Variants in PTPRD observed in about 807,000 individuals in gnomAD.
PTPRD encodes receptor-type tyrosine-protein phosphatase delta.
In PTPRD, 34 loss-of-function variants were observed where a neutral mutation model predicts 214.5. That is an observed-to-expected ratio of 0.16 (90% CI 0.12 to 0.21). PTPRD has a LOEUF of 0.21. PTPRD is among the 10% of genes least tolerant of loss of function. The pLI is 1.00. For missense variants in PTPRD, 2,545 were observed against 2,398.7 expected (o/e 1.06, Z -1.27); for synonymous variants, 1,128 against 845.7 (o/e 1.33, Z -5.79).
Position 10,427,891 on chromosome 9 carries a change from G to A in PTPRD, c.-599-86874C>T, listed in dbSNP as rs965455091. ...TGATATATTTTTTAATAAAAATGGAGTAGAGAACACATTTTAACTTAAGCA... is the reference window on the plus strand; with the variant it reads ...TGATATATTTTTTAATAAAAATGGAATAGAGAACACATTTTAACTTAAGCA... On this transcript the variant is annotated intron_variant, in intron 2 of 45. Coordinates refer to ENST00000381196, the MANE Select transcript of PTPRD (RefSeq NM_002839.4). 3.3e-5 allele frequency among the ~76,000 whole-genome samples: 5 copies of A among 152,174 alleles called. No homozygotes were observed. The East Asian group carries it at 9.7e-4, about 30-fold the overall frequency.
At chr9:9,082,272 C>T (rs533219684) in intron 10 of PTPRD, among the ~76,000 whole-genome samples, 1 of 152,250 alleles carries the variant, frequency 6.6e-6, no homozygotes, top group African/African-American at 2.4e-5. Flanking sequence ...ACCAAGTTAG[C>T]TTCATCCCTG....
intron 9 of PTPRD, among the ~76,000 whole-genome samples, chr9:9,332,391 T>C (rs1025880210): frequency 1.2e-4 from 18 of 152,006 alleles, no homozygotes; most frequent in Non-Finnish European, 5.9e-5. Context: ...TCATAGTATA[T>C]TCCATTTTGT....
At chr9:8,560,913 G>C (rs2085988164) in intron 14 of PTPRD, among the ~76,000 whole-genome samples, 1 of 138,466 alleles carries the variant, frequency 7.2e-6, no homozygotes, top group Admixed American at 6.8e-5. Flanking sequence ...TAAAGATGCA[G>C]AAAGGCATTC....
intron 8 of PTPRD, among the ~76,000 whole-genome samples, chr9:9,455,556 G>T (rs536654538): frequency 6.6e-6 from 1 of 151,436 alleles, no homozygotes; most frequent in Non-Finnish European, 1.5e-5. Flanking sequence ...GCCCCCAAAA[G>T]GCCTTTCAAG....
intron 8 of PTPRD, among the ~76,000 whole-genome samples, chr9:9,573,006 C>A (rs907087185): frequency 2.0e-5 from 3 of 151,540 alleles, no homozygotes; most frequent in Admixed American, 6.6e-5. Flanking sequence ...ATCCTATGTA[C>A]ACAACAAAAT....
chr9:10,378,675 G>A (rs186097391), intron 2 of PTPRD, among the ~76,000 whole-genome samples: 7 of 152,042 alleles, frequency 4.6e-5, no homozygotes, highest in Admixed American at 4.6e-4. Flanking sequence ...ATTGGTCTAT[G>A]TGTCTGTTTT....
intron 11 of PTPRD, among the ~76,000 whole-genome samples, chr9:8,796,929 A>C (rs2096444097): frequency 6.6e-6 from 1 of 152,062 alleles, no homozygotes; most frequent in African/African-American, 2.4e-5. Context: ...TCCATGTTAA[A>C]ATTTTTGTTT....
chr9:9,096,589 A>C (rs2099783883), intron 10 of PTPRD, among the ~76,000 whole-genome samples: 1 of 152,106 alleles, frequency 6.6e-6, no homozygotes, highest in Admixed American at 6.6e-5. Flanking sequence ...CTTTTTTTTA[A>C]AAATATTTTG....
At chr9:10,503,755 G>A (rs2044708413) in intron 2 of PTPRD, among the ~76,000 whole-genome samples, 1 of 151,932 alleles carries the variant, frequency 6.6e-6, no homozygotes. Context: ...TACGTGCTAG[G>A]AAGGAAAATA....
At chr9:10,299,115 T>C (rs1023819947) in intron 3 of PTPRD, among the ~76,000 whole-genome samples, 1 of 152,202 alleles carries the variant, frequency 6.6e-6, no homozygotes, top group Non-Finnish European at 1.5e-5. Context: ...GGGATTACTA[T>C]TTTACATTTG....
rs1234214176 is a variant in PTPRD, at chr9:10,460,377, A to T, written c.-599-119360T>A. 2.0e-5 allele frequency among the ~76,000 whole-genome samples: 3 copies of T among 152,186 alleles called. No individual in the cohort carries two copies. In the East Asian group the frequency reaches 5.8e-4, roughly 29 times the overall value. On this transcript the variant is annotated intron_variant, in intron 2 of 45. Transcript: ENST00000381196. ...CATTATTCACAAAAATAGATAAAAA[A>T]ACCCTAAAATTTGTATGAAACCACA...
chr9:8,798,634 C>T (rs1030822987), intron 11 of PTPRD, among the ~76,000 whole-genome samples: 1 of 152,152 alleles, frequency 6.6e-6, no homozygotes, highest in Non-Finnish European at 1.5e-5. Context: ...ATTTAACAAA[C>T]GTGTATTAAG....
At position 9,320,037 on chromosome 9, in the gene PTPRD, T is replaced by C. The variant is rs1965641555; in HGVS notation, c.-203+77412A>G. Among the ~76,000 whole-genome samples the C allele has an allele frequency of 2.6e-5, 4 of 152,182 alleles. No homozygotes were observed. In the South Asian group the frequency reaches 8.3e-4, roughly 32 times the overall value. Reference sequence around the variant, plus strand: ...AGCTAAGAAGTTCATCACTAATGTTTGAAAACTTCTGAAAAAGTACCTCAT... The same window carrying C: ...AGCTAAGAAGTTCATCACTAATGTTCGAAAACTTCTGAAAAAGTACCTCAT... On this transcript the variant is annotated intron_variant, in intron 9 of 45. Transcript: ENST00000381196.
chr9:8,543,230 A>C (rs1452859518), intron 14 of PTPRD, among the ~76,000 whole-genome samples: 1 of 152,236 alleles, frequency 6.6e-6, no homozygotes, highest in Non-Finnish European at 1.5e-5. Context: ...TTTAGTTGTA[A>C]TAGACTGACA....
chr9:9,295,957 G>A (rs994279363), intron 9 of PTPRD, among the ~76,000 whole-genome samples: 2 of 151,664 alleles, frequency 1.3e-5, no homozygotes, highest in African/African-American at 4.8e-5. Flanking sequence ...TTAATTTTCT[G>A]GAAATTAAAT....
At chr9:10,172,191 G>T (rs1164305272) in intron 3 of PTPRD, among the ~76,000 whole-genome samples, 1 of 152,044 alleles carries the variant, frequency 6.6e-6, no homozygotes, top group Admixed American at 6.6e-5. Context: ...ATAGGCAGTG[G>T]TATAAATTAT....
intron 3 of PTPRD, among the ~76,000 whole-genome samples, chr9:10,236,966 T>C (rs909971452): frequency 6.6e-6 from 1 of 151,904 alleles, no homozygotes; most frequent in Admixed American, 6.6e-5. Context: ...TCACAGATAA[T>C]TTTTAGAGCA....
In PTPRD at chr9:9,190,113, T is replaced by A. The variant is rs554240528; in HGVS notation, c.-202-6750A>T. On this transcript the variant is annotated intron_variant, in intron 9 of 45. Transcript: ENST00000381196. ...TGTGTTGGAAACTTAATCCCTATTG[T>A]AACAGTGTTAGGAAAGTCAGACCTT... Among the ~76,000 whole-genome samples the A allele has an allele frequency of 4.6e-5, 7 of 152,224 alleles. No individual in the cohort carries two copies. In the South Asian group the frequency reaches 1.5e-3, roughly 32 times the overall value.
intron 9 of PTPRD, among the ~76,000 whole-genome samples, chr9:9,245,597 C>T (rs1472476008): frequency 6.6e-6 from 1 of 151,194 alleles, no homozygotes; most frequent in Non-Finnish European, 1.5e-5. Flanking sequence ...GGAAGGGGAA[C>T]ATCACACACC....
Sources: allele counts gnomAD v4.1 joint callset (sites outside exome capture counted in the v4.1 genomes callset), GRCh38; gene constraint gnomAD v4.1.1; transcripts MANE v1.5; gene names NCBI Gene and HGNC (gene_info 2026-07-23, HGNC 2026-07-21).